Variants in CHD4 observed in about 807,000 individuals in gnomAD.
The protein encoded by CHD4 is ATP-dependent chromatin remodeler CHD4.
In CHD4, 35 loss-of-function variants were observed where a neutral mutation model predicts 235.5. That is an observed-to-expected ratio of 0.15 (90% CI 0.11 to 0.20). The LOEUF (loss-of-function observed/expected upper bound fraction) is 0.20, where lower values mean the gene tolerates loss of function less well. CHD4 is among the 10% of genes least tolerant of loss of function. The pLI, the probability that CHD4 is intolerant of heterozygous loss-of-function variation, is 1.00. For missense variants in CHD4, 1,329 were observed against 2,432.3 expected (o/e 0.55, Z 9.54); for synonymous variants, 900 against 850.2 (o/e 1.06, Z -1.02).
At chr12:6,570,786 T>TAA in intron 39 of CHD4, 83 bp downstream of exon 39, 1 of 1,612,298 alleles carries the variant, frequency 6.2e-7, no homozygotes, top group Non-Finnish European at 8.5e-7. Flanking sequence ...ACCCAGTATG[T>TAA]AAAGCTAGGG....
At position 6,606,378 on chromosome 12, in the gene CHD4, T is replaced by C. The variant is rs776117782; in HGVS notation, c.-5A>G. On this transcript the variant is annotated 5_prime_UTR_variant, in exon 2 of 40. Transcript: ENST00000544040. The stretch of plus-strand genomic sequence containing the variant: ...GGAGCCCAGGCCCGACGCCATCCCC[T>C]TCCGCTCCCGGCCAGGGAATTGGCC... The C allele has an allele frequency of 2.0e-5, 31 of 1,566,850 alleles. No individual in the cohort carries two copies. The highest frequency in any genetic ancestry group is 2.6e-5 in the Non-Finnish European group (30 of 1,159,252).
intron 2 of CHD4, among the ~76,000 whole-genome samples, chr12:6,603,550 G>C (rs1436365025): frequency 4.8e-4 from 66 of 136,372 alleles, no homozygotes; most frequent in African/African-American, 1.7e-3. Flanking sequence ...GGGTGGGTTT[G>C]AGAGAGGTGG....
At position 6,576,458 on chromosome 12, in the gene CHD4, G is replaced by A. The variant is rs139888449; in HGVS notation, c.5361+1327C>T. Among the ~76,000 whole-genome samples the A allele has an allele frequency of 1.3e-3, 197 of 152,256 alleles. 2 individuals are homozygous for A. Among genetic ancestry groups the A allele is most frequent in the African/African-American group, 4.4e-3 (184 of 41,540 alleles). The stretch of plus-strand genomic sequence containing the variant: ...GCCTCCTAAGTAGCTGGAACTACAG[G>A]TGCACGCCACCAGAACTGGCTAATT... On this transcript the variant is annotated intron_variant, in intron 37 of 39. Coordinates refer to ENST00000544040, the MANE Select transcript of CHD4 (RefSeq NM_001273.5).
At position 6,596,051 on chromosome 12, in the gene CHD4, T is replaced by G. The variant is rs1948488592; in HGVS notation, c.1979A>C (p.Glu660Ala). The change falls in exon 13 of 40, where the codon GAG becomes GCG. Residue 660 changes from glutamate to alanine, a missense_variant. Coordinates refer to ENST00000544040, the MANE Select transcript of CHD4 (RefSeq NM_001273.5). ...DQASWESEDVEIQDYDLFKQS... is the reference protein window; with the variant it reads ...DQASWESEDVAIQDYDLFKQS... ...CTTGAACAGGTCGTAATCCTGGATC[T>G]CCACATCCTCACTCTCCCAAGAAGC... 1 of 1,613,678 alleles carries G rather than the reference T, an allele frequency of 6.2e-7. No individual in the cohort carries two copies. The highest frequency in any genetic ancestry group is 1.1e-5 in the South Asian group (1 of 91,080).
At chr12:6,592,303 T>A in intron 19 of CHD4, 90 bp downstream of exon 19, 1 of 1,477,682 alleles carries the variant, frequency 6.8e-7, no homozygotes, top group Non-Finnish European at 9.0e-7. Context: ...TGTCACCAGA[T>A]GCCTTGAAGC....
At position 6,602,666 on chromosome 12, in the gene CHD4, CAA is replaced by C. The variant is rs1565619793; in HGVS notation, c.101-171_101-170del. ...AGCTGATACCCAGGACAAAAACAGA[CAA>C]AGAGAGAGCTGTATATACCCGAAAT... is the stretch of plus-strand genomic sequence containing the variant. On this transcript the variant is annotated intron_variant, in intron 2 of 39. Coordinates refer to ENST00000544040, the MANE Select transcript of CHD4 (RefSeq NM_001273.5). 5.9e-5 allele frequency among the ~76,000 whole-genome samples: 9 copies of C among 152,250 alleles called. No homozygotes were observed. In the South Asian group the frequency reaches 1.7e-3, roughly 28 times the overall value.
chr12:6,605,148 GA>G (rs1162891384), intron 2 of CHD4, among the ~76,000 whole-genome samples: 1 of 152,148 alleles, frequency 6.6e-6, no homozygotes, highest in East Asian at 1.9e-4. Context: ...ATCTCTCCCA[GA>G]CCACCTCAAC....
intron 19 of CHD4, 131 bp from the exon 20 acceptor site, chr12:6,592,188 C>T (rs1948412512): frequency 7.9e-7 from 1 of 1,266,624 alleles, no homozygotes; most frequent in Middle Eastern, 2.7e-4. Context: ...CGCACAAGCA[C>T]TACCACCACC....
intron 14 of CHD4, among the ~76,000 whole-genome samples, chr12:6,594,885 C>T (rs574496581): frequency 3.9e-5 from 6 of 152,286 alleles, no homozygotes; most frequent in African/African-American, 1.2e-4. Context: ...AGGAAAAGCA[C>T]GTCACAGACT....
chr12:6,580,714 A>AAAAACAACAAC, intron 33 of CHD4: 1 of 229,224 alleles, frequency 4.4e-6, no homozygotes, highest in Non-Finnish European at 8.1e-6. Context: ...GAAAAAAAAA[A>AAAAACAACAAC]AAAAAAAAAA....
At chr12:6,596,218 T>C in intron 12 of CHD4, 81 bp from the exon 13 acceptor site, 1 of 1,560,862 alleles carries the variant, frequency 6.4e-7, no homozygotes, top group Non-Finnish European at 8.7e-7. Flanking sequence ...CAATACCGTT[T>C]GTTTCACACC....
Position 6,600,523 on chromosome 12 carries a change from G to T in CHD4, c.1063+11C>A. 6.3e-7 allele frequency: 1 copy of T among 1,597,234 alleles called. No homozygotes were observed. The highest frequency in any genetic ancestry group is 1.1e-5 in the South Asian group (1 of 90,752). On this transcript the variant is annotated intron_variant, in intron 8 of 39. Transcript: ENST00000544040. ...CTCATCCCATCACAAATATACAGAA[G>T]AGAAACACACCTTTCTTTTTCTTTT...
chr12:6,598,176 T>A (rs1406208334), intron 11 of CHD4, 46 bp downstream of exon 11: 1 of 1,609,622 alleles, frequency 6.2e-7, no homozygotes, highest in Admixed American at 1.7e-5. Context: ...TTTGTCACTA[T>A]CCTCTTCATC....
chr12:6,594,337 C>T (rs1948448776), intron 15 of CHD4, 122 bp downstream of exon 15: 1 of 760,714 alleles, frequency 1.3e-6, no homozygotes, highest in Non-Finnish European at 2.2e-6. Context: ...TATCTATTAT[C>T]CACAGTGTTC....
At chr12:6,602,304 C>T in intron 3 of CHD4, 72 bp downstream of exon 3, 1 of 1,605,980 alleles carries the variant, frequency 6.2e-7, no homozygotes, top group Non-Finnish European at 8.5e-7. Flanking sequence ...CAAATGCCCT[C>T]AGCCCTTCAA....
chr12:6,571,308 T>C, intron 38 of CHD4: 1 of 368,378 alleles, frequency 2.7e-6, no homozygotes, highest in Non-Finnish European at 4.9e-6. Flanking sequence ...TTTTCTCTTC[T>C]CTACCTTCAG....
In CHD4 at chr12:6,602,274, C is replaced by T. The variant is rs2136225903; in HGVS notation, c.223-99G>A. ...TGAGGCTCATCCCCAGAACATGGCC[C>T]ACCACTTCTGAGAAAGAAACAAATG... On this transcript the variant is annotated intron_variant, in intron 3 of 39. Coordinates refer to ENST00000544040, the MANE Select transcript of CHD4 (RefSeq NM_001273.5). 4 of 1,595,964 alleles carry T rather than the reference C, an allele frequency of 2.5e-6. No individual in the cohort carries two copies. In the Admixed American group the frequency reaches 6.9e-5, roughly 27 times the overall value.
chr12:6,572,193 C>A (rs920974969), intron 38 of CHD4, among the ~76,000 whole-genome samples: 1 of 151,440 alleles, frequency 6.6e-6, no homozygotes, highest in Non-Finnish European at 1.5e-5. Flanking sequence ...CTTTGGGAGG[C>A]GGAGGCGGGT....
rs201313750 is a variant in CHD4, at chr12:6,591,833, C to A, written c.3091-8G>T. 4.0e-4 allele frequency: 645 copies of A among 1,613,906 alleles called. 3 individuals are homozygous for A. The highest frequency in any genetic ancestry group is 3.7e-4 in the Admixed American group (22 of 59,950). On this transcript the variant is annotated splice_region_variant and splice_polypyrimidine_tract_variant and intron_variant, in intron 20 of 39. Transcript: ENST00000544040. ...AGGCATCTTAGGAGCTTCCTGAGAA[C>A]AAATGCAAAGAAAAAAGTATTAAAA...
Sources: allele counts gnomAD v4.1 joint callset (sites outside exome capture counted in the v4.1 genomes callset), GRCh38; gene constraint gnomAD v4.1.1; transcripts MANE v1.5; gene names NCBI Gene and HGNC (gene_info 2026-07-23, HGNC 2026-07-21).